IFNLR1: variants seen among roughly 807,000 people sequenced by gnomAD.
IFNLR1 encodes interferon lambda receptor 1, also known as CRF2-12.
Under a neutral mutation model 52.5 loss-of-function variants are expected in IFNLR1, and 28 were observed. That is an observed-to-expected ratio of 0.53 (90% CI 0.40 to 0.73). The LOEUF (loss-of-function observed/expected upper bound fraction) is 0.73. Among genes scored for constraint, IFNLR1 ranks in the 30% least tolerant of loss-of-function variants. The pLI is 0.00. For missense variants in IFNLR1, 623 were observed against 659.1 expected (o/e 0.95, Z 0.60); for synonymous variants, 276 against 274.9 (o/e 1.00, Z -0.04).
chr1:24,171,250 AAAATAAATACAT>A (rs1644575578), intron 2 of IFNLR1, among the ~76,000 whole-genome samples: 1 of 148,262 alleles, frequency 6.7e-6, no homozygotes, highest in East Asian at 1.9e-4. Context: ...TAGACAAAGA[AAAATAAATACAT>A]AAATAAATAA....
At position 24,169,655 on chromosome 1, in the gene IFNLR1, G is replaced by A. The variant is rs112448149; in HGVS notation, c.183-54C>T. ...CATGGACTCAGCCTCTCCGGGTCAG[G>A]GAACTTAGAGAACAGTTGATCATGC... On this transcript the variant is annotated intron_variant, in intron 2 of 6. Coordinates refer to ENST00000327535, the MANE Select transcript of IFNLR1 (RefSeq NM_170743.4). 1.9e-5 allele frequency: 30 copies of A among 1,542,294 alleles called. No individual in the cohort carries two copies. The African/African-American group carries it at 2.5e-4, about 13-fold the overall frequency.
intron 3 of IFNLR1, among the ~76,000 whole-genome samples, chr1:24,162,809 TTCTTTTTTTC>T (rs1274329648): frequency 4.9e-5 from 5 of 102,388 alleles, no homozygotes; most frequent in South Asian, 7.8e-4. Flanking sequence ...TCTTTTTTCT[TTCTTTTTTTC>T]TTCTTTCTTT....
intron 2 of IFNLR1, 30 bp downstream of exon 2, chr1:24,180,694 AGTCTTCC>A: frequency 4.8e-6 from 3 of 624,570 alleles, no homozygotes; most frequent in Middle Eastern, 4.1e-4. Flanking sequence ...CCACCCCCTC[AGTCTTCC>A]CATCCACCAG....
chr1:24,171,713 G>A (rs986847186), intron 2 of IFNLR1, among the ~76,000 whole-genome samples: 1 of 151,942 alleles, frequency 6.6e-6, no homozygotes, highest in South Asian at 2.1e-4. Flanking sequence ...CTGGAGTGCA[G>A]TGGTGCAATC....
At chr1:24,182,870 A>C (rs992088768) in intron 1 of IFNLR1, among the ~76,000 whole-genome samples, 12 of 152,160 alleles carry the variant, frequency 7.9e-5, no homozygotes, top group African/African-American at 2.9e-4. Context: ...CAGTGAGCAG[A>C]GATCACACCA....
chr1:24,180,679 C>CCCCCCCCCCCCCCCCCCCAAATAA, intron 2 of IFNLR1, 52 bp downstream of exon 2: 1 of 1,158,228 alleles, frequency 8.6e-7, no homozygotes, highest in East Asian at 3.0e-5. Context: ...CCCTCCAGCC[C>CCCCCCCCCCCCCCCCCCCAAATAA]CCACCCACCC....
chr1:24,174,634 A>G (rs1644613714), intron 2 of IFNLR1, among the ~76,000 whole-genome samples: 1 of 152,220 alleles, frequency 6.6e-6, no homozygotes, highest in Non-Finnish European at 1.5e-5. Context: ...TTAAAAGTTC[A>G]TTGGCTAGCC....
Position 24,157,012 on chromosome 1 carries a change from G to A in IFNLR1, c.*118C>T. The A allele has an allele frequency of 2.5e-6, 3 of 1,220,030 alleles. No homozygotes were observed. 75.6% of individuals were successfully genotyped at this position (1,220,030 alleles called of 1,614,324 possible). A position where few individuals can be genotyped will look rare whatever the true frequency, so the allele number is the denominator to read the frequency against. On this transcript the variant is annotated 3_prime_UTR_variant, in exon 7 of 7. Coordinates refer to ENST00000327535, the MANE Select transcript of IFNLR1 (RefSeq NM_170743.4). The surrounding 1 kb of genome is among the most constrained non-coding windows in gnomAD (Gnocchi z 5.1). Reference sequence around the variant, plus strand: ...CAGCCGCTAGGTGGACTTCCCGGAAGTGCAATGCCCCTCCGCCGCCCAGGG... The same window carrying A: ...CAGCCGCTAGGTGGACTTCCCGGAAATGCAATGCCCCTCCGCCGCCCAGGG...
intron 2 of IFNLR1, among the ~76,000 whole-genome samples, chr1:24,170,702 C>T (rs904445157): frequency 5.3e-5 from 8 of 152,096 alleles, no homozygotes; most frequent in Non-Finnish European, 7.4e-5. Flanking sequence ...AGCAAGGAGG[C>T]CATGGTAGGG....
At chr1:24,162,192 T>A (rs888913397) in intron 3 of IFNLR1, among the ~76,000 whole-genome samples, 1 of 152,158 alleles carries the variant, frequency 6.6e-6, no homozygotes. Flanking sequence ...CCCCCTTGGG[T>A]TGTCAGCAAA....
At chr1:24,173,818 T>C (rs1254472735) in intron 2 of IFNLR1, among the ~76,000 whole-genome samples, 3 of 137,536 alleles carry the variant, frequency 2.2e-5, no homozygotes, top group Non-Finnish European at 5.0e-5. Flanking sequence ...CTGGCTAATT[T>C]TGAAAATTTT....
At position 24,169,273 on chromosome 1, in the gene IFNLR1, C is replaced by T. The variant is rs1644552635; in HGVS notation, c.367+144G>A. 5.5e-6 allele frequency: 4 copies of T among 727,726 alleles called. No homozygotes were observed. In the East Asian group the frequency reaches 1.1e-4, roughly 20 times the overall value. 45.1% of individuals were successfully genotyped at this position (727,726 alleles called of 1,614,324 possible). ...CGCTGTTGCTGGTCCCACACCCCAT[C>T]TCAAAGGGCCTGGCCCAGGGAGCTG... On this transcript the variant is annotated intron_variant, in intron 3 of 6. Coordinates refer to ENST00000327535, the MANE Select transcript of IFNLR1 (RefSeq NM_170743.4).
At chr1:24,162,896 C>G (rs182433768) in intron 3 of IFNLR1, among the ~76,000 whole-genome samples, 1 of 74,626 alleles carries the variant, frequency 1.3e-5, no homozygotes. Context: ...TCCTTCCTTC[C>G]TTCCTTCCTT....
intron 3 of IFNLR1, among the ~76,000 whole-genome samples, chr1:24,162,649 A>C (rs1470360065): frequency 6.6e-6 from 1 of 152,204 alleles, no homozygotes; most frequent in African/African-American, 2.4e-5. Context: ...GGCAGGTGGA[A>C]GGGCAAGAGA....
At chr1:24,186,984 G>C (rs1326750511) in intron 1 of IFNLR1, among the ~76,000 whole-genome samples, 1 of 152,222 alleles carries the variant, frequency 6.6e-6, no homozygotes, top group Non-Finnish European at 1.5e-5. Context: ...AACTGGATTC[G>C]TTTCCTGCGG....
chr1:24,176,861 C>T (rs1239008359), intron 2 of IFNLR1, among the ~76,000 whole-genome samples: 2 of 152,190 alleles, frequency 1.3e-5, no homozygotes, highest in Non-Finnish European at 2.9e-5. Flanking sequence ...ATCCTCCTAC[C>T]TATGCCTCAC....
intron 2 of IFNLR1, among the ~76,000 whole-genome samples, chr1:24,171,993 G>C (rs1644584896): frequency 6.6e-6 from 1 of 151,978 alleles, no homozygotes; most frequent in Admixed American, 6.6e-5. Flanking sequence ...TCTGTAGAGA[G>C]GGGGTCTCAC....
intron 3 of IFNLR1, among the ~76,000 whole-genome samples, chr1:24,168,736 T>G (rs555629148): frequency 1.3e-5 from 2 of 149,904 alleles, no homozygotes; most frequent in Admixed American, 6.7e-5. Flanking sequence ...ACAGAATTTG[T>G]TTTTTTTTCT....
chr1:24,181,304 G>A (rs568546639), intron 1 of IFNLR1, among the ~76,000 whole-genome samples: 2 of 152,340 alleles, frequency 1.3e-5, no homozygotes, highest in Admixed American at 6.5e-5. Context: ...CCTTGTGTAA[G>A]GGAGATGACA....
Sources: allele counts gnomAD v4.1 joint callset (sites outside exome capture counted in the v4.1 genomes callset), GRCh38; gene constraint gnomAD v4.1.1; non-coding constraint Gnocchi (gnomAD v3.1); transcripts MANE v1.5; gene names NCBI Gene and HGNC (gene_info 2026-07-23, HGNC 2026-07-21).